The following PPFIBP2 variants were observed in gnomAD, a reference collection of about 807,000 sequenced individuals.
PPFIBP2 encodes PPFIB scaffold protein 2, also known as liprin-beta-2.
PPFIBP2 carries 118 observed loss-of-function variants against 118.3 expected under a neutral mutation model. The observed-to-expected ratio is 1.00, with a 90% CI of 0.86 to 1.16. PPFIBP2 has a LOEUF of 1.16. Ranked by LOEUF, PPFIBP2 falls within the 50% of genes most tolerant of loss-of-function variation. The pLI, the probability that PPFIBP2 is intolerant of heterozygous loss-of-function variation, is 0.00. For synonymous variants in PPFIBP2, 414 were observed against 397.4 expected (o/e 1.04, Z -0.50); for missense variants, 1,195 against 1,073.1 (o/e 1.11, Z -1.59).
At chr11:7,592,590 G>A (rs1859530011) in intron 3 of PPFIBP2, among the ~76,000 whole-genome samples, 1 of 152,170 alleles carries the variant, frequency 6.6e-6, no homozygotes, top group South Asian at 2.1e-4. Context: ...TGAATGAAGG[G>A]CCTTGTAGTT....
At chr11:7,594,324 T>C (rs1369569305) in intron 4 of PPFIBP2, among the ~76,000 whole-genome samples, 1 of 152,078 alleles carries the variant, frequency 6.6e-6, no homozygotes, top group Non-Finnish European at 1.5e-5. Flanking sequence ...TCATACCAAA[T>C]ATATAGTTTT....
downstream of PPFIBP2, among the ~76,000 whole-genome samples, chr11:7,654,593 G>C (rs1238996405): frequency 2.6e-5 from 4 of 152,246 alleles, no homozygotes; most frequent in Non-Finnish European, 5.9e-5. Context: ...AGAGATGTGG[G>C]GACAAGCTTG....
chr11:7,628,959 C>G (rs1402570561), intron 9 of PPFIBP2, among the ~76,000 whole-genome samples: 3 of 152,190 alleles, frequency 2.0e-5, no homozygotes, highest in Admixed American at 6.5e-5. Flanking sequence ...CCAAGTTTGT[C>G]TATGACCTGT....
intron 5 of PPFIBP2, among the ~76,000 whole-genome samples, chr11:7,602,065 C>T (rs1846711852): frequency 1.4e-5 from 2 of 142,508 alleles, no homozygotes; most frequent in Admixed American, 1.4e-4. Context: ...TGCACTCCAG[C>T]CTGGGCAACA....
intron 1 of PPFIBP2, among the ~76,000 whole-genome samples, chr11:7,536,349 T>TG (rs1246704999): frequency 2.6e-5 from 4 of 151,888 alleles, no homozygotes; most frequent in African/African-American, 7.3e-5. Context: ...AGGTAGGCAG[T>TG]GGGGCTCTGA....
At chr11:7,631,101 T>G in intron 11 of PPFIBP2, 73 bp downstream of exon 11, 3 of 1,101,028 alleles carry the variant, frequency 2.7e-6, no homozygotes, top group Non-Finnish European at 4.2e-6. Flanking sequence ...AGGGAGGATC[T>G]AGTCAGACAC....
intron 1 of PPFIBP2, among the ~76,000 whole-genome samples, chr11:7,523,799 G>A (rs1338971786): frequency 1.3e-5 from 2 of 152,182 alleles, no homozygotes; most frequent in Non-Finnish European, 2.9e-5. Flanking sequence ...TTCCTCCTGG[G>A]AATAGGGAAG....
At chr11:7,663,645 G>T in the PPFIBP2 span, among the ~76,000 whole-genome samples, 1 of 152,360 alleles carries the variant, frequency 6.6e-6, no homozygotes, top group South Asian at 2.1e-4. Context: ...ACAGAGGCAG[G>T]CAGGCCTCCT....
intron 3 of PPFIBP2, among the ~76,000 whole-genome samples, chr11:7,567,600 T>C (rs1381249278): frequency 6.6e-6 from 1 of 152,176 alleles, no homozygotes; most frequent in Non-Finnish European, 1.5e-5. Context: ...CATGTTAAGG[T>C]TTTTATTCTG....
At position 7,648,375 on chromosome 11, in the gene PPFIBP2, C is replaced by T. The variant is rs1280132722; in HGVS notation, c.1647-12C>T. 3 of 1,605,794 alleles carry T rather than the reference C, an allele frequency of 1.9e-6. No homozygotes were observed. Among genetic ancestry groups the T allele is most frequent in the African/African-American group, 1.3e-5 (1 of 74,770 alleles). ...CCCACTAACAGGAATATGCTGTTTT[C>T]CTGCTTCCCAGTGACGCCAATGCCC... On this transcript the variant is annotated splice_polypyrimidine_tract_variant and intron_variant, in intron 17 of 23. Coordinates refer to ENST00000299492, the MANE Select transcript of PPFIBP2 (RefSeq NM_003621.5).
intron 2 of PPFIBP2, among the ~76,000 whole-genome samples, chr11:7,556,479 G>A (rs1273059413): frequency 1.3e-5 from 2 of 152,126 alleles, no homozygotes; most frequent in Non-Finnish European, 2.9e-5. Context: ...TTGACTCTTA[G>A]AATGCTTTAA....
At chr11:7,588,791 C>G (rs1023754433) in intron 3 of PPFIBP2, among the ~76,000 whole-genome samples, 1 of 152,216 alleles carries the variant, frequency 6.6e-6, no homozygotes, top group Non-Finnish European at 1.5e-5. Flanking sequence ...ATGATCTTGA[C>G]TAAGGGTGCT....
At chr11:7,533,040 T>TG (rs950365027) in intron 1 of PPFIBP2, among the ~76,000 whole-genome samples, 13 of 152,196 alleles carry the variant, frequency 8.5e-5, no homozygotes, top group Admixed American at 3.3e-4. Context: ...TCTGTTTTTT[T>TG]TTGTTGTTGT....
chr11:7,542,457 G>A (rs1851897497), intron 1 of PPFIBP2, among the ~76,000 whole-genome samples: 1 of 152,066 alleles, frequency 6.6e-6, no homozygotes, highest in Non-Finnish European at 1.5e-5. Flanking sequence ...TCAAATAATT[G>A]TATGTAATTT....
chr11:7,642,718 C>T (rs1852384273), intron 17 of PPFIBP2, among the ~76,000 whole-genome samples: 1 of 152,166 alleles, frequency 6.6e-6, no homozygotes. Flanking sequence ...GTTTAGTCAC[C>T]TCAAGATTGC....
At position 7,537,526 on chromosome 11, in the gene PPFIBP2, C is replaced by T. The variant is rs139348304; in HGVS notation, c.-36-11914C>T. Among the ~76,000 whole-genome samples, 617 of 152,336 alleles carry T rather than the reference C, an allele frequency of 4.1e-3. 5 individuals are homozygous for T. Among genetic ancestry groups the T allele is most frequent in the African/African-American group, 0.014 (600 of 41,576 alleles). ...CTTAGAACGTGTGAGTTATCTGTTGCCTAGTCCTGGCTCTTCACATCTTAG... is the reference window on the plus strand; with the variant it reads ...CTTAGAACGTGTGAGTTATCTGTTGTCTAGTCCTGGCTCTTCACATCTTAG... On this transcript the variant is annotated intron_variant, in intron 1 of 23. Transcript: ENST00000299492.
rs895439215 is a variant in PPFIBP2 at position 7,624,948 on chromosome 11, C to T, written c.712-829C>T. The stretch of plus-strand genomic sequence containing the variant: ...TGACTCCAAAATCCAGGTACCTCTT[C>T]GGACAGGACCTATACAATTCTGATC... On this transcript the variant is annotated intron_variant, in intron 7 of 23. Transcript: ENST00000299492. Among the ~76,000 whole-genome samples, 5 of 152,294 alleles carry T rather than the reference C, an allele frequency of 3.3e-5. No individual in the cohort carries two copies. The East Asian group carries it at 7.7e-4, about 24-fold the overall frequency.
chr11:7,539,992 A>C (rs1018264098), intron 1 of PPFIBP2, among the ~76,000 whole-genome samples: 5 of 142,870 alleles, frequency 3.5e-5, no homozygotes, highest in Non-Finnish European at 6.1e-5. Context: ...AAATAGGTAA[A>C]ATGAGGTTCA....
chr11:7,596,300 G>A (rs1366898631), intron 4 of PPFIBP2, among the ~76,000 whole-genome samples: 2 of 152,112 alleles, frequency 1.3e-5, no homozygotes, highest in Non-Finnish European at 2.9e-5. Context: ...CAGGATGGCT[G>A]AGAGTGTTGG....
Sources: gnomAD v4.1 joint callset for allele counts (sites outside exome capture counted in the v4.1 genomes callset) on GRCh38, gnomAD v4.1.1 for gene constraint, MANE v1.5 for transcripts, NCBI Gene and HGNC (gene_info 2026-07-23, HGNC 2026-07-21) for gene names.